TBC1D32: variants seen among roughly 807,000 people sequenced by gnomAD.
The protein encoded by TBC1D32 is protein broad-minded.
In TBC1D32, 151 loss-of-function variants were observed where a neutral mutation model predicts 170.3. The ratio of observed to expected loss-of-function variants is 0.89; its 90% CI spans 0.78 to 1.01. The LOEUF is 1.01. Ranked by LOEUF, TBC1D32 falls within the 50% of genes least tolerant of loss-of-function variation. The pLI, the probability that TBC1D32 is intolerant of heterozygous loss-of-function variation, is 0.00. For synonymous variants in TBC1D32, 498 were observed against 488.0 expected, an observed-to-expected ratio of 1.02 and a Z score of -0.27; for missense variants, 1,464 against 1,457.1, an observed-to-expected ratio of 1.00 and a Z score of -0.08.
intron 15 of TBC1D32, among the ~76,000 whole-genome samples, chr6:121,270,983 T>G (rs1211483666): frequency 6.6e-6 from 1 of 152,120 alleles, no homozygotes; most frequent in South Asian, 2.1e-4. Flanking sequence ...AGGTAATCCC[T>G]CATATAAACA....
At chr6:121,320,186 T>C (rs1446619618) in intron 2 of TBC1D32, among the ~76,000 whole-genome samples, 1 of 147,734 alleles carries the variant, frequency 6.8e-6, no homozygotes, top group African/African-American at 2.5e-5. Flanking sequence ...TAGCCCTAAG[T>C]GATTTCTAAA....
chr6:121,298,639 C>A (rs1271532093), intron 10 of TBC1D32, among the ~76,000 whole-genome samples: 4 of 151,956 alleles, frequency 2.6e-5, no homozygotes, highest in Non-Finnish European at 5.9e-5. Context: ...CAAATAAATT[C>A]TTATCCTATT....
chr6:121,146,459 C>T (rs1464495048), intron 24 of TBC1D32, among the ~76,000 whole-genome samples: 2 of 152,100 alleles, frequency 1.3e-5, no homozygotes, highest in Non-Finnish European at 2.9e-5. Flanking sequence ...CACATGGAAG[C>T]TCTTTACTGG....
intron 12 of TBC1D32, among the ~76,000 whole-genome samples, chr6:121,285,914 T>G (rs1214913249): frequency 2.0e-5 from 3 of 152,178 alleles, no homozygotes; most frequent in Non-Finnish European, 4.4e-5. Context: ...ACAACAGACC[T>G]GTAGCTGAGG....
intron 15 of TBC1D32, among the ~76,000 whole-genome samples, chr6:121,273,130 G>A (rs1024258277): frequency 1.3e-5 from 2 of 150,690 alleles, no homozygotes; most frequent in African/African-American, 2.4e-5. Flanking sequence ...GCTAGGGGAG[G>A]GATAGTTTTA....
intron 4 of TBC1D32, 145 bp from the exon 5 acceptor site, chr6:121,308,246 C>T (rs1353726733): frequency 1.2e-6 from 1 of 814,758 alleles, no homozygotes; most frequent in African/African-American, 1.7e-5. Flanking sequence ...TATTAAAAAG[C>T]TCTTGAGAAA....
chr6:121,104,628 G>C (rs1317566382), intron 30 of TBC1D32, among the ~76,000 whole-genome samples: 3 of 151,632 alleles, frequency 2.0e-5, no homozygotes, highest in Admixed American at 2.0e-4. Context: ...AATATAAAAA[G>C]ATATATATTT....
At chr6:121,261,354 C>A (rs1312632480) in intron 15 of TBC1D32, among the ~76,000 whole-genome samples, 4 of 152,192 alleles carry the variant, frequency 2.6e-5, no homozygotes. Context: ...AGACACCCTA[C>A]ACAGGAGCGT....
rs1048194329 is a variant in TBC1D32 at position 121,287,324 on chromosome 6, G to A, written c.1373-3414C>T. 1.1e-4 allele frequency among the ~76,000 whole-genome samples: 16 copies of A among 151,402 alleles called. No homozygotes were observed. The South Asian group carries it at 1.3e-3, about 12-fold the overall frequency. ...TGAAGGAAGATCTACCAAGCAAATGGAAAACAAAAAAAGGCAGGGGTTGCA... is the reference window on the plus strand; with the variant it reads ...TGAAGGAAGATCTACCAAGCAAATGAAAAACAAAAAAAGGCAGGGGTTGCA... On this transcript the variant is annotated intron_variant, in intron 12 of 31. Coordinates refer to ENST00000398212, the MANE Select transcript of TBC1D32 (RefSeq NM_152730.6).
At chr6:121,285,332 G>C (rs1803635030) in intron 12 of TBC1D32, among the ~76,000 whole-genome samples, 1 of 152,164 alleles carries the variant, frequency 6.6e-6, no homozygotes, top group Admixed American at 6.6e-5. Flanking sequence ...ACTTCTAAGT[G>C]TCCTCTCCTG....
chr6:121,103,997 A>G (rs1778429616), intron 30 of TBC1D32, among the ~76,000 whole-genome samples: 1 of 151,940 alleles, frequency 6.6e-6, no homozygotes, highest in South Asian at 2.1e-4. Flanking sequence ...AAATTGGCCA[A>G]GGAAGAGTAT....
At chr6:121,285,453 G>A (rs929719518) in intron 12 of TBC1D32, among the ~76,000 whole-genome samples, 6 of 152,066 alleles carry the variant, frequency 3.9e-5, no homozygotes, top group African/African-American at 1.4e-4. Flanking sequence ...TAGGTTTTTG[G>A]GGGATCTAAG....
intron 22 of TBC1D32, among the ~76,000 whole-genome samples, chr6:121,173,761 C>T (rs927128368): frequency 1.3e-5 from 2 of 152,008 alleles, no homozygotes; most frequent in Admixed American, 6.6e-5. Flanking sequence ...CAAACACACA[C>T]ATACAAAATT....
At chr6:121,297,512 T>A (rs1805840263) in intron 10 of TBC1D32, among the ~76,000 whole-genome samples, 2 of 151,950 alleles carry the variant, frequency 1.3e-5, no homozygotes, top group Admixed American at 1.3e-4. Flanking sequence ...GAATCAAGAT[T>A]CAAACTGTTA....
chr6:121,101,440 A>G (rs560458385), intron 30 of TBC1D32, among the ~76,000 whole-genome samples: 2 of 152,300 alleles, frequency 1.3e-5, no homozygotes, highest in Admixed American at 1.3e-4. Context: ...AACATATGAA[A>G]ATCAATAAAT....
chr6:121,113,236 A>G, intron 27 of TBC1D32, 59 bp from the exon 28 acceptor site: 1 of 1,149,074 alleles, frequency 8.7e-7, no homozygotes, highest in African/African-American at 1.6e-5. Context: ...ATGTTTTAAA[A>G]TTACTTCTTT....
At chr6:121,155,265 G>C (rs369947866) in intron 24 of TBC1D32, among the ~76,000 whole-genome samples, 1 of 151,880 alleles carries the variant, frequency 6.6e-6, no homozygotes, top group South Asian at 2.1e-4. Flanking sequence ...GTGTGTGTGT[G>C]GCTATAGCAA....
chr6:121,221,962 G>T (rs760509697), intron 21 of TBC1D32, among the ~76,000 whole-genome samples: 23 of 152,312 alleles, frequency 1.5e-4, no homozygotes, highest in Non-Finnish European at 3.1e-4. Flanking sequence ...AAATACTTCA[G>T]AGAAATATTT....
chr6:121,137,796 A>T (rs143540486), intron 24 of TBC1D32, among the ~76,000 whole-genome samples: 225 of 152,058 alleles, frequency 1.5e-3, no homozygotes, highest in African/African-American at 5.2e-3. Context: ...GGGAAACAGT[A>T]AGGTCGACAT....
Sources: gnomAD v4.1 joint callset for allele counts (sites outside exome capture counted in the v4.1 genomes callset) on GRCh38, gnomAD v4.1.1 for gene constraint, MANE v1.5 for transcripts, NCBI Gene and HGNC (gene_info 2026-07-23, HGNC 2026-07-21) for gene names.